TTC7B: variants seen among roughly 807,000 people sequenced by gnomAD.
TTC7B encodes tetratricopeptide repeat protein 7B.
Under a neutral mutation model 106.8 loss-of-function variants are expected in TTC7B, and 28 were observed. The observed-to-expected ratio is 0.26, with a 90% CI of 0.19 to 0.36. The LOEUF is 0.36. Ranked by LOEUF, TTC7B falls within the 10% of genes least tolerant of loss-of-function variation. TTC7B has a pLI of 1.00. For missense variants in TTC7B, 862 were observed against 1,076.4 expected, an observed-to-expected ratio of 0.80 and a Z score of 2.79; for synonymous variants, 405 against 430.6, an observed-to-expected ratio of 0.94 and a Z score of 0.74.
At chr14:90,558,493 G>A (rs913866692) in intron 19 of TTC7B, among the ~76,000 whole-genome samples, 32 of 152,258 alleles carry the variant, frequency 2.1e-4, no homozygotes, top group African/African-American at 6.5e-4. Context: ...CTGCCACGGC[G>A]AGTCCGGTCA....
At chr14:90,761,932 G>C (rs1890515213) in intron 3 of TTC7B, among the ~76,000 whole-genome samples, 1 of 152,182 alleles carries the variant, frequency 6.6e-6, no homozygotes, top group South Asian at 2.1e-4. Context: ...TCAGGATACA[G>C]TTAGGATAAT....
chr14:90,621,343 G>A (rs565578870), intron 15 of TTC7B, among the ~76,000 whole-genome samples: 2 of 148,272 alleles, frequency 1.3e-5, no homozygotes, highest in East Asian at 1.9e-4. Flanking sequence ...GAGGCCACGC[G>A]GGTACGGCCG....
At chr14:90,781,613 T>A (rs1595369185) in intron 2 of TTC7B, among the ~76,000 whole-genome samples, 1 of 151,934 alleles carries the variant, frequency 6.6e-6, no homozygotes, top group Admixed American at 6.6e-5. Flanking sequence ...TCCTGGTGGG[T>A]CTGGCCATGG....
chr14:90,588,654 C>T (rs141433869), intron 18 of TTC7B, among the ~76,000 whole-genome samples: 2,081 of 152,270 alleles, frequency 0.014, 21 homozygotes, highest in Non-Finnish European at 0.021. Flanking sequence ...TGCAAAGGTG[C>T]TCACTTCTAT....
At chr14:90,632,625 C>T (rs1179620780) in intron 15 of TTC7B, among the ~76,000 whole-genome samples, 1 of 152,212 alleles carries the variant, frequency 6.6e-6, no homozygotes, top group African/African-American at 2.4e-5. Context: ...CAACATCTAG[C>T]ATGGCCCCTG....
intron 3 of TTC7B, among the ~76,000 whole-genome samples, chr14:90,753,989 T>C (rs1890210757): frequency 6.6e-6 from 1 of 152,260 alleles, no homozygotes; most frequent in Non-Finnish European, 1.5e-5. Flanking sequence ...TCTTTCAGTC[T>C]CTATTTAGTA....
chr14:90,659,504 G>A (rs1886098008), intron 9 of TTC7B, among the ~76,000 whole-genome samples: 1 of 152,158 alleles, frequency 6.6e-6, no homozygotes, highest in Non-Finnish European at 1.5e-5. Context: ...TCAGAGGCAA[G>A]GCAGTGGGGC....
At position 90,578,307 on chromosome 14, in the gene TTC7B, A is replaced by T; in HGVS notation, c.2109T>A (p.Ala703=). The change falls in exon 19 of 20, where the codon GCT becomes GCA. Residue 703 remains alanine, a splice_region_variant and synonymous_variant. Coordinates refer to ENST00000328459, the MANE Select transcript of TTC7B (RefSeq NM_001010854.2). The surrounding 1 kb of genome is among the most constrained non-coding windows in gnomAD (Gnocchi z 4.7). The part of the protein sequence containing the change: ...MTLAQIWLHA[A]EVYIGIGKPA... ...GCTTCCCGATGCCGATATAGACTTC[A>T]GCTGTGAGGAGACAGCAACGGCACA... 1 of 1,613,486 alleles carries T rather than the reference A, an allele frequency of 6.2e-7. No homozygotes were observed. Among genetic ancestry groups the T allele is most frequent in the Non-Finnish European group, 8.5e-7 (1 of 1,179,834 alleles).
intron 19 of TTC7B, among the ~76,000 whole-genome samples, chr14:90,558,603 G>A (rs1027387354): frequency 1.3e-5 from 2 of 152,240 alleles, no homozygotes; most frequent in Non-Finnish European, 2.9e-5. Flanking sequence ...ACCTTCTGAT[G>A]AAGGGAGGCC....
intron 1 of TTC7B, among the ~76,000 whole-genome samples, chr14:90,809,224 G>C (rs1269377810): frequency 6.6e-6 from 1 of 152,244 alleles, no homozygotes; most frequent in African/African-American, 2.4e-5. Flanking sequence ...GAAAAAGAGA[G>C]ACTACTTCTT....
rs1228080352 is a variant in TTC7B, at chr14:90,525,977, A to T, written c.*15391T>A. 1.4e-5 allele frequency: 2 copies of T among 142,448 alleles called. No individual in the cohort carries two copies. The highest frequency in any genetic ancestry group is 5.1e-5 in the African/African-American group (2 of 38,998). The allele number at this position is 142,448 out of a possible 1,614,324, so 8.8% of individuals were successfully genotyped here. A position where few individuals can be genotyped will look rare whatever the true frequency, so the allele number is the denominator to read the frequency against. ...TTGGTTAAAAAATAAAAAAAAATAAAAAAAATAAAAAAAAAAAAGAAGTCT... is the reference window on the plus strand; with the variant it reads ...TTGGTTAAAAAATAAAAAAAAATAATAAAAATAAAAAAAAAAAAGAAGTCT... On this transcript the variant is annotated 3_prime_UTR_variant, in exon 20 of 20. Coordinates refer to ENST00000328459, the MANE Select transcript of TTC7B (RefSeq NM_001010854.2).
chr14:90,754,129 A>T (rs2140009952), intron 3 of TTC7B, among the ~76,000 whole-genome samples: 1 of 152,206 alleles, frequency 6.6e-6, no homozygotes, highest in East Asian at 1.9e-4. Flanking sequence ...ACGAGGGGGG[A>T]TTTACTAAAA....
chr14:90,722,256 G>A (rs374062081), intron 5 of TTC7B, among the ~76,000 whole-genome samples: 4 of 151,994 alleles, frequency 2.6e-5, no homozygotes, highest in East Asian at 3.9e-4. Flanking sequence ...TGTCCCTCCC[G>A]GCTCTATCCC....
rs1409838001 is a variant in TTC7B at position 90,529,590 on chromosome 14, G to A, written c.*11778C>T. The stretch of plus-strand genomic sequence containing the variant: ...AGGCAACCTGGGTTCAAGGCCTGCT[G>A]TAGTATTACCCAAACTTGGGCAAGT... On this transcript the variant is annotated 3_prime_UTR_variant, in exon 20 of 20. Coordinates refer to ENST00000328459, the MANE Select transcript of TTC7B (RefSeq NM_001010854.2). 1 of 152,206 alleles carries A rather than the reference G, an allele frequency of 6.6e-6. No homozygotes were observed. The highest frequency in any genetic ancestry group is 1.5e-5 in the Non-Finnish European group (1 of 68,034). 9.4% of individuals were successfully genotyped at this position (152,206 alleles called of 1,614,324 possible). A position where few individuals can be genotyped will look rare whatever the true frequency, so the allele number is the denominator to read the frequency against.
At chr14:90,796,775 A>G (rs1348804219) in intron 1 of TTC7B, among the ~76,000 whole-genome samples, 2 of 152,108 alleles carry the variant, frequency 1.3e-5, no homozygotes, top group African/African-American at 2.4e-5. Context: ...ACACACCGCT[A>G]TTCAGGGAGG....
chr14:90,695,205 CAT>C (rs1566840903), intron 6 of TTC7B, among the ~76,000 whole-genome samples: 3 of 122,948 alleles, frequency 2.4e-5, no homozygotes, highest in East Asian at 2.3e-4. Flanking sequence ...TAGTATAAAA[CAT>C]GTATATTTTA....
At chr14:90,800,000 T>C (rs1566894707) in intron 1 of TTC7B, among the ~76,000 whole-genome samples, 1 of 151,932 alleles carries the variant, frequency 6.6e-6, no homozygotes, top group Non-Finnish European at 1.5e-5. Flanking sequence ...GCCCAGCTAA[T>C]TTTTGGTATT....
intron 4 of TTC7B, among the ~76,000 whole-genome samples, chr14:90,732,541 C>T (rs958195030): frequency 6.6e-6 from 1 of 152,150 alleles, no homozygotes; most frequent in African/African-American, 2.4e-5. Context: ...CCATACTCGG[C>T]TAATTCTTGT....
At chr14:90,762,767 A>C (rs1468923805) in intron 3 of TTC7B, among the ~76,000 whole-genome samples, 3 of 152,222 alleles carry the variant, frequency 2.0e-5, no homozygotes, top group African/African-American at 7.2e-5. Context: ...AAAGATAACT[A>C]CTTTTGGATC....
Sources: gnomAD v4.1 joint callset for allele counts (sites outside exome capture counted in the v4.1 genomes callset) on GRCh38, gnomAD v4.1.1 for gene constraint, Gnocchi (gnomAD v3.1) non-coding constraint, MANE v1.5 for transcripts, NCBI Gene and HGNC (gene_info 2026-07-23, HGNC 2026-07-21) for gene names.